The following SLC14A2 variants were observed in gnomAD, a reference collection of about 807,000 sequenced individuals.
The protein encoded by SLC14A2 is urea transporter 2.
SLC14A2 carries 91 observed loss-of-function variants against 104.6 expected under a neutral mutation model. The observed-to-expected ratio is 0.87, with a 90% CI of 0.73 to 1.04. The LOEUF is 1.04. SLC14A2 is among the 50% of genes least tolerant of loss of function. The pLI is 0.00. For synonymous variants in SLC14A2, 476 were observed against 466.4 expected (o/e 1.02, Z -0.27); for missense variants, 1,189 against 1,156.0 (o/e 1.03, Z -0.41).
At chr18:45,414,757 A>AAAAAAATATATATATAT (rs1360051908) in intron 1 of SLC14A2, among the ~76,000 whole-genome samples, 11 of 76,092 alleles carry the variant, frequency 1.4e-4, no homozygotes, top group East Asian at 3.8e-4. Context: ...AAAAAAAAAA[A>AAAAAAATATATATATAT]ATATATATAT....
intron 2 of SLC14A2, among the ~76,000 whole-genome samples, chr18:45,563,290 C>T (rs1294659862): frequency 6.6e-6 from 1 of 152,208 alleles, no homozygotes; most frequent in African/African-American, 2.4e-5. Context: ...TGCTGGCAGC[C>T]ACAGGCCAAA....
At chr18:45,555,217 G>A (rs1206050134) in intron 2 of SLC14A2, among the ~76,000 whole-genome samples, 1 of 152,206 alleles carries the variant, frequency 6.6e-6, no homozygotes, top group Non-Finnish European at 1.5e-5. Flanking sequence ...ACCCTCATAA[G>A]GAGTATATCA....
the SLC14A2 span, among the ~76,000 whole-genome samples, chr18:45,191,907 A>G: frequency 2.0e-5 from 3 of 152,226 alleles, no homozygotes; most frequent in East Asian, 5.8e-4. Flanking sequence ...GGGGTGTCCT[A>G]AGAGGAGTTA....
intron 1 of SLC14A2, among the ~76,000 whole-genome samples, chr18:45,440,935 A>AG (rs1437906764): frequency 2.0e-5 from 3 of 152,260 alleles, no homozygotes; most frequent in Admixed American, 6.5e-5. Context: ...AATAAACAGC[A>AG]TCCTCCCTGA....
intron 1 of SLC14A2, among the ~76,000 whole-genome samples, chr18:45,409,518 A>G (rs1019120407): frequency 1.5e-4 from 23 of 152,208 alleles, no homozygotes. Context: ...CCAAAGTATT[A>G]TTAAACCCTT....
At chr18:45,441,601 TTGTG>T (rs1009415371) in intron 1 of SLC14A2, among the ~76,000 whole-genome samples, 4 of 152,196 alleles carry the variant, frequency 2.6e-5, no homozygotes, top group Non-Finnish European at 5.9e-5. Context: ...TTCTCTGTGT[TTGTG>T]TGCATGCACA....
At chr18:45,458,715 A>T (rs1192300604) in intron 1 of SLC14A2, among the ~76,000 whole-genome samples, 1 of 152,164 alleles carries the variant, frequency 6.6e-6, no homozygotes, top group East Asian at 1.9e-4. Context: ...AGAGAATTTT[A>T]AAATTGCCCA....
At position 45,667,895 on chromosome 18, in the gene SLC14A2, G is replaced by A; in HGVS notation, c.1780G>A (p.Val594Met). ...CCGAGGCACATCTCAAGTGATGTTTGTGAACAACCCCCTCAGCGGCATCCT... is the reference window on the plus strand; with the variant it reads ...CCGAGGCACATCTCAAGTGATGTTTATGAACAACCCCCTCAGCGGCATCCT... ...VLRGTSQVMF[V>M]NNPLSGILII... Residue 594 changes from valine (V) to methionine (M), a missense_variant, in exon 14 of 20, where the codon GTG (valine) becomes ATG (methionine). Val to Met is a conservative substitution (Grantham distance 21). Coordinates refer to ENST00000255226, the MANE Select transcript of SLC14A2 (RefSeq NM_007163.4). 6.2e-7 allele frequency: 1 copy of A among 1,614,106 alleles called. No homozygotes were observed. Among genetic ancestry groups the A allele is most frequent in the Non-Finnish European group, 8.5e-7 (1 of 1,180,002 alleles).
At chr18:45,379,512 C>A (rs12608129) in intron 1 of SLC14A2, among the ~76,000 whole-genome samples, 15,944 of 152,160 alleles carry the variant, frequency 0.1, 1,661 homozygotes, top group African/African-American at 0.27. Flanking sequence ...ACCACCCTTC[C>A]GAGTCATTAC....
At chr18:45,496,318 A>G (rs1225037926) in intron 2 of SLC14A2, among the ~76,000 whole-genome samples, 2 of 152,210 alleles carry the variant, frequency 1.3e-5, no homozygotes, top group Non-Finnish European at 2.9e-5. Context: ...ATGCCTGGAT[A>G]GCTGGTAAAA....
intron 1 of SLC14A2, among the ~76,000 whole-genome samples, chr18:45,251,468 CA>C (rs1278087699): frequency 1.3e-5 from 2 of 152,234 alleles, no homozygotes; most frequent in African/African-American, 4.8e-5. Context: ...TCATGATTCA[CA>C]ACCTCGGTAG....
chr18:45,269,389 A>G (rs1477575274), intron 1 of SLC14A2, among the ~76,000 whole-genome samples: 1 of 152,100 alleles, frequency 6.6e-6, no homozygotes, highest in Non-Finnish European at 1.5e-5. Flanking sequence ...GGCAAGAAGT[A>G]GAGGGCAGGC....
intron 1 of SLC14A2, among the ~76,000 whole-genome samples, chr18:45,378,520 T>G (rs1424450773): frequency 6.6e-6 from 1 of 152,158 alleles, no homozygotes; most frequent in Non-Finnish European, 1.5e-5. Flanking sequence ...AGAAAGCATT[T>G]GGGGTTGGAC....
At chr18:45,307,817 A>G (rs780713590) in intron 1 of SLC14A2, among the ~76,000 whole-genome samples, 1 of 152,268 alleles carries the variant, frequency 6.6e-6, no homozygotes, top group Non-Finnish European at 1.5e-5. Flanking sequence ...ATGCTATATT[A>G]GTTAGTTTGT....
intron 2 of SLC14A2, among the ~76,000 whole-genome samples, chr18:45,541,871 G>T (rs2043888631): frequency 6.6e-6 from 1 of 152,090 alleles, no homozygotes; most frequent in South Asian, 2.1e-4. Context: ...TTTACTGTGT[G>T]TTCCCAATGC....
At chr18:45,168,148 T>G in the SLC14A2 span, among the ~76,000 whole-genome samples, 1 of 152,238 alleles carries the variant, frequency 6.6e-6, no homozygotes, top group Admixed American at 6.5e-5. Context: ...TTCGTGTGAT[T>G]CATGATAGTG....
chr18:45,498,640 A>G (rs1221251671), intron 2 of SLC14A2, among the ~76,000 whole-genome samples: 1 of 152,108 alleles, frequency 6.6e-6, no homozygotes, highest in African/African-American at 2.4e-5. Flanking sequence ...CCTCCATCTC[A>G]GCTCAGGATT....
chr18:45,178,853 C>G, the SLC14A2 span, among the ~76,000 whole-genome samples: 2 of 152,098 alleles, frequency 1.3e-5, no homozygotes, highest in Non-Finnish European at 2.9e-5. Context: ...TTCCTAGTTA[C>G]CATGATTACT....
chr18:45,547,001 T>C (rs1004683934), intron 2 of SLC14A2, among the ~76,000 whole-genome samples: 8 of 152,242 alleles, frequency 5.3e-5, no homozygotes, highest in Admixed American at 2.0e-4. Flanking sequence ...GGGACTAATC[T>C]ATGGTCCCCG....
Sources: allele counts gnomAD v4.1 joint callset (sites outside exome capture counted in the v4.1 genomes callset), GRCh38; gene constraint gnomAD v4.1.1; transcripts MANE v1.5; gene names NCBI Gene and HGNC (gene_info 2026-07-23, HGNC 2026-07-21).